The following IRAK1BP1 variants were observed in gnomAD, a reference collection of about 807,000 sequenced individuals.
The protein encoded by IRAK1BP1 is interleukin 1 receptor associated kinase 1 binding protein 1, also known as interleukin-1 receptor-associated kinase 1-binding protein 1.
A neutral mutation model predicts 28.0 loss-of-function variants in IRAK1BP1; 24 were observed. The ratio of observed to expected loss-of-function variants is 0.86; its 90% CI spans 0.62 to 1.20. The LOEUF (loss-of-function observed/expected upper bound fraction) is 1.20. Among genes scored for constraint, IRAK1BP1 ranks in the 50% most tolerant of loss-of-function variants. The probability of loss-of-function intolerance (pLI) is 0.00; values close to 1 mark genes in which losing one functional copy is unlikely to be tolerated. For missense variants in IRAK1BP1, 336 were observed against 316.7 expected, an observed-to-expected ratio of 1.06 and a Z score of -0.46; for synonymous variants, 131 against 116.3, an observed-to-expected ratio of 1.13 and a Z score of -0.81.
At chr6:78,925,458 G>C (rs1772862286) in intron 4 of IRAK1BP1, among the ~76,000 whole-genome samples, 1 of 152,134 alleles carries the variant, frequency 6.6e-6, no homozygotes, top group Admixed American at 6.6e-5. Flanking sequence ...CCAATCATTA[G>C]AGGAATGCAA....
intron 4 of IRAK1BP1, among the ~76,000 whole-genome samples, chr6:78,911,587 T>TCATCATATTCA (rs1772422082): frequency 6.6e-6 from 1 of 152,216 alleles, no homozygotes; most frequent in African/African-American, 2.4e-5. Context: ...CCTGCAGGAC[T>TCATCATATTCA]GCCACCTCAG....
chr6:78,950,021 A>G (rs1476166152), downstream of IRAK1BP1, among the ~76,000 whole-genome samples: 1 of 151,980 alleles, frequency 6.6e-6, no homozygotes, highest in African/African-American at 2.4e-5. Context: ...TTTTCCTTCC[A>G]AGCCTTGTTT....
At chr6:78,877,237 G>T (rs1022157046) in intron 1 of IRAK1BP1, among the ~76,000 whole-genome samples, 1 of 152,088 alleles carries the variant, frequency 6.6e-6, no homozygotes, top group African/African-American at 2.4e-5. Flanking sequence ...TATTTCTTGT[G>T]GTTGCAGGTC....
chr6:78,921,008 A>T (rs922230506), intron 4 of IRAK1BP1, among the ~76,000 whole-genome samples: 1 of 152,190 alleles, frequency 6.6e-6, no homozygotes, highest in South Asian at 2.1e-4. Context: ...GTGACACAGA[A>T]GATGAATGAT....
Position 78,890,103 on chromosome 6 carries a change from C to T in IRAK1BP1, c.381+4660C>T, listed in dbSNP as rs149540422. On this transcript the variant is annotated intron_variant, in intron 2 of 3. Coordinates refer to ENST00000369940, the MANE Select transcript of IRAK1BP1 (RefSeq NM_001010844.4). ...TACTATGCAGCCATAAAAAAGGATG[C>T]GTTCATGTTCTTTGCGGGGACATGG... Among the ~76,000 whole-genome samples the T allele has an allele frequency of 3.6e-3, 541 of 152,152 alleles. 3 individuals are homozygous for T. The highest frequency in any genetic ancestry group is 0.012 in the African/African-American group (497 of 41,496).
intron 4 of IRAK1BP1, chr6:78,940,911 T>C (rs755064751): frequency 3.7e-6 from 6 of 1,613,760 alleles, no homozygotes; most frequent in South Asian, 1.1e-5. Flanking sequence ...TCCTCATCTA[T>C]AGGATCATCT....
downstream of IRAK1BP1, among the ~76,000 whole-genome samples, chr6:78,948,646 T>C (rs924349063): frequency 6.6e-6 from 1 of 152,012 alleles, no homozygotes; most frequent in Non-Finnish European, 1.5e-5. Flanking sequence ...AGGCAGGCGC[T>C]ACCACACCCA....
At chr6:78,908,897 G>A (rs186528452) in intron 4 of IRAK1BP1, among the ~76,000 whole-genome samples, 5 of 152,300 alleles carry the variant, frequency 3.3e-5, no homozygotes, top group Admixed American at 1.3e-4. Flanking sequence ...AGAGCTGAAG[G>A]AGATAGATAG....
chr6:78,871,542 A>T, intron 1 of IRAK1BP1: 2 of 984,898 alleles, frequency 2.0e-6, no homozygotes, highest in Non-Finnish European at 2.4e-6. Context: ...ATCAAGGCAT[A>T]TAGTTCTTGC....
At chr6:78,885,770 A>G (rs1190771858) in intron 2 of IRAK1BP1, among the ~76,000 whole-genome samples, 1 of 152,206 alleles carries the variant, frequency 6.6e-6, no homozygotes, top group Non-Finnish European at 1.5e-5. Flanking sequence ...AAGTCATAAC[A>G]TAAAGGATTT....
At chr6:78,943,847 G>A (rs1773642890) in intron 4 of IRAK1BP1, among the ~76,000 whole-genome samples, 1 of 151,932 alleles carries the variant, frequency 6.6e-6, no homozygotes, top group South Asian at 2.1e-4. Flanking sequence ...TCAGCCAGGT[G>A]TGATGGCACA....
intron 1 of IRAK1BP1, among the ~76,000 whole-genome samples, chr6:78,876,106 G>A (rs1002300607): frequency 6.6e-6 from 1 of 152,126 alleles, no homozygotes; most frequent in African/African-American, 2.4e-5. Flanking sequence ...TCAAGGGGGG[G>A]ATCTGATGGG....
intron 1 of IRAK1BP1, among the ~76,000 whole-genome samples, chr6:78,877,975 TA>T (rs199956154): frequency 8.4e-4 from 122 of 144,580 alleles, no homozygotes; most frequent in South Asian, 4.5e-3. Context: ...CTTGAGTAGG[TA>T]AAAAAAAAAA....
rs534620894 is a variant in IRAK1BP1, at chr6:78,924,507, A to G, written c.*68-20901A>G. 8.3e-4 allele frequency among the ~76,000 whole-genome samples: 126 copies of G among 152,340 alleles called. 1 individual carries two copies. The Middle Eastern group carries it at 0.027, about 33-fold the overall frequency. On this transcript the variant is annotated intron_variant and NMD_transcript_variant, in intron 4 of 4. Coordinates refer to the IRAK1BP1 transcript ENST00000606868. ...AGAGGTACAAAGAGGAGCTGGTACC[A>G]TTCCTTCTGAAACTATTCCAATCAA...
intron 4 of IRAK1BP1, among the ~76,000 whole-genome samples, chr6:78,943,172 T>C (rs1773589603): frequency 6.6e-6 from 1 of 152,166 alleles, no homozygotes; most frequent in Admixed American, 6.5e-5. Context: ...GAGTACAAAA[T>C]TTAAAATTAC....
intron 2 of IRAK1BP1, among the ~76,000 whole-genome samples, chr6:78,886,842 C>A (rs1027830538): frequency 1.3e-5 from 2 of 152,132 alleles, no homozygotes; most frequent in African/African-American, 4.8e-5. Flanking sequence ...AAACTCTGCT[C>A]CTCTTCCTTC....
chr6:78,959,309 T>C, the IRAK1BP1 span, among the ~76,000 whole-genome samples: 61 of 152,170 alleles, frequency 4.0e-4, no homozygotes, highest in African/African-American at 1.2e-3. Context: ...AGAAATACAA[T>C]CATATGGAAT....
the IRAK1BP1 span, among the ~76,000 whole-genome samples, chr6:78,973,989 T>C: frequency 2.6e-5 from 4 of 152,146 alleles, no homozygotes; most frequent in African/African-American, 9.6e-5. Flanking sequence ...TTAACAAGGA[T>C]ACCCAGGAAT....
intron 1 of IRAK1BP1, among the ~76,000 whole-genome samples, chr6:78,875,741 T>C (rs1054659757): frequency 3.3e-5 from 5 of 151,928 alleles, no homozygotes; most frequent in African/African-American, 1.2e-4. Flanking sequence ...AGCACAGAAG[T>C]GGTTGAAAAA....
Sources: allele counts gnomAD v4.1 joint callset (sites outside exome capture counted in the v4.1 genomes callset), GRCh38; gene constraint gnomAD v4.1.1; transcripts MANE v1.5; gene names NCBI Gene and HGNC (gene_info 2026-07-23, HGNC 2026-07-21).